RYR2: variants seen among roughly 807,000 people sequenced by gnomAD.
RYR2 encodes the protein ryanodine receptor 2, also known as cardiac muscle ryanodine receptor-calcium release channel.
Under a neutral mutation model 601.1 loss-of-function variants are expected in RYR2, and 227 were observed. The ratio of observed to expected loss-of-function variants is 0.38; its 90% CI spans 0.34 to 0.42. RYR2 has a LOEUF of 0.42. RYR2 is among the 10% of genes least tolerant of loss of function. The pLI is 1.00. For missense variants in RYR2, 4,646 were observed against 6,156.5 expected (o/e 0.75, Z 8.21); for synonymous variants, 2,223 against 2,175.1 (o/e 1.02, Z -0.61).
intron 2 of RYR2, among the ~76,000 whole-genome samples, chr1:237,316,585 C>T (rs908023165): frequency 6.6e-6 from 1 of 152,154 alleles, no homozygotes; most frequent in Non-Finnish European, 1.5e-5. Flanking sequence ...GTGTTCCTTA[C>T]GTCAGCTGAT....
intron 15 of RYR2, among the ~76,000 whole-genome samples, chr1:237,455,102 C>G (rs902061698): frequency 3.3e-5 from 5 of 152,064 alleles, no homozygotes; most frequent in Admixed American, 2.6e-4. Flanking sequence ...TATTACATTT[C>G]CATGTATGAT....
chr1:237,245,116 C>T (rs903507981), intron 1 of RYR2, among the ~76,000 whole-genome samples: 6 of 151,912 alleles, frequency 3.9e-5, no homozygotes, highest in African/African-American at 1.4e-4. Context: ...GCTTGGGAGA[C>T]TGAGGCAGGA....
Position 237,537,409 on chromosome 1 carries a change from C to T in RYR2, c.2906+6899C>T, listed in dbSNP as rs974370655. Among the ~76,000 whole-genome samples the T allele has an allele frequency of 2.4e-3, 372 of 152,258 alleles. 2 individuals are homozygous for T. The highest frequency in any genetic ancestry group is 8.4e-3 in the African/African-American group (348 of 41,556). On this transcript the variant is annotated intron_variant, in intron 25 of 104. Transcript: ENST00000366574. Reference sequence around the variant, plus strand: ...CACAATCTTGGCTCGCTGCAACCTCCGCCTCCCGGGTTCAAGCAATTCTCC... The same window carrying T: ...CACAATCTTGGCTCGCTGCAACCTCTGCCTCCCGGGTTCAAGCAATTCTCC...
chr1:237,147,952 T>C (rs1298652118), intron 1 of RYR2, among the ~76,000 whole-genome samples: 1 of 152,260 alleles, frequency 6.6e-6, no homozygotes, highest in Non-Finnish European at 1.5e-5. Flanking sequence ...CCTTGGCCTT[T>C]TCATGGCACC....
intron 71 of RYR2, among the ~76,000 whole-genome samples, chr1:237,712,786 G>A (rs896909268): frequency 1.2e-4 from 19 of 152,098 alleles, no homozygotes; most frequent in Admixed American, 7.2e-4. Flanking sequence ...ATTGGGGAGG[G>A]GAGTAGCTTC....
intron 1 of RYR2, among the ~76,000 whole-genome samples, chr1:237,210,388 G>GT (rs72317807): frequency 6.6e-5 from 10 of 151,830 alleles, no homozygotes; most frequent in Non-Finnish European, 1.3e-4. Context: ...ACAAAGGTCT[G>GT]TTTTTTTTCT....
chr1:237,388,230 G>C (rs1368901324), intron 10 of RYR2, 47 bp downstream of exon 10: 1 of 1,514,196 alleles, frequency 6.6e-7, no homozygotes, highest in African/African-American at 1.4e-5. Flanking sequence ...CTTTTGCCTT[G>C]ATGTAATGTT....
At position 237,832,195 on chromosome 1, in the gene RYR2, C is replaced by T. The variant is rs866660219; in HGVS notation, c.14809-357C>T. 1.1e-4 allele frequency among the ~76,000 whole-genome samples: 16 copies of T among 150,560 alleles called. 1 individual carries two copies. The highest frequency in any genetic ancestry group is 3.3e-4 in the Admixed American group (5 of 15,106). On this transcript the variant is annotated intron_variant, in intron 104 of 104. Coordinates refer to ENST00000366574, the MANE Select transcript of RYR2 (RefSeq NM_001035.3). ...CTGAAACTACAGGCATGCACCACCA[C>T]ACCTGGCTTTTTTTTGTGTTTTTTT... is the stretch of plus-strand genomic sequence containing the variant.
intron 21 of RYR2, among the ~76,000 whole-genome samples, 164 bp downstream of exon 21, chr1:237,501,067 A>G (rs1264074438): frequency 6.6e-6 from 1 of 151,818 alleles, no homozygotes; most frequent in Admixed American, 6.6e-5. Flanking sequence ...GGTAAGCCTC[A>G]CCTAAGATGG....
intron 2 of RYR2, among the ~76,000 whole-genome samples, chr1:237,307,744 C>G (rs1558592911): frequency 6.6e-6 from 1 of 152,186 alleles, no homozygotes; most frequent in Non-Finnish European, 1.5e-5. Context: ...CAGGCCTAAA[C>G]CCAGTTTATT....
At chr1:237,304,446 AG>A (rs1189323754) in intron 2 of RYR2, among the ~76,000 whole-genome samples, 1 of 152,254 alleles carries the variant, frequency 6.6e-6, no homozygotes, top group Non-Finnish European at 1.5e-5. Flanking sequence ...GCTCTTAAAG[AG>A]GAAAATCTCT....
chr1:237,608,180 A>C (rs1677360557), intron 35 of RYR2, among the ~76,000 whole-genome samples: 1 of 152,214 alleles, frequency 6.6e-6, no homozygotes, highest in African/African-American at 2.4e-5. Context: ...GGTTGTATCA[A>C]CTAAAAAAGA....
intron 37 of RYR2, among the ~76,000 whole-genome samples, chr1:237,617,011 G>A (rs1391083680): frequency 1.3e-5 from 2 of 152,056 alleles, no homozygotes; most frequent in African/African-American, 2.4e-5. Flanking sequence ...CCCTTGACAT[G>A]TGGGGGTTAT....
At chr1:237,213,350 G>T (rs1682798994) in intron 1 of RYR2, among the ~76,000 whole-genome samples, 1 of 151,754 alleles carries the variant, frequency 6.6e-6, no homozygotes, top group Non-Finnish European at 1.5e-5. Flanking sequence ...GCTAATTTTT[G>T]AATTTTTTGT....
intron 1 of RYR2, among the ~76,000 whole-genome samples, chr1:237,228,774 A>T (rs1332205943): frequency 6.6e-6 from 1 of 152,200 alleles, no homozygotes; most frequent in Non-Finnish European, 1.5e-5. Context: ...AAGGGAAAAA[A>T]AAAGAGTAAG....
At position 237,757,639 on chromosome 1, in the gene RYR2, A is replaced by G. The variant is rs1478911605; in HGVS notation, c.11246-58A>G. 2.1e-5 allele frequency: 23 copies of G among 1,083,276 alleles called. No homozygotes were observed. In the East Asian group the frequency reaches 5.4e-4, roughly 26 times the overall value. 67.1% of individuals were successfully genotyped at this position (1,083,276 alleles called of 1,614,324 possible). A position where few individuals can be genotyped will look rare whatever the true frequency, so the allele number is the denominator to read the frequency against. On this transcript the variant is annotated intron_variant, in intron 81 of 104. Transcript: ENST00000366574. ...TTAAAAGTGCAGCATTGGAGGTAGA[A>G]TAGGTTAATATAGAAGGCGAAATGA...
intron 49 of RYR2, 148 bp downstream of exon 49, chr1:237,648,761 G>A (rs1682427510): frequency 4.2e-6 from 4 of 953,948 alleles, no homozygotes; most frequent in Non-Finnish European, 6.0e-6. Flanking sequence ...TGGGTAAACA[G>A]AAAATAAACT....
intron 1 of RYR2, among the ~76,000 whole-genome samples, chr1:237,181,788 ATAGT>A (rs1678790298): frequency 1.3e-5 from 2 of 152,212 alleles, no homozygotes; most frequent in South Asian, 2.1e-4. Flanking sequence ...ACTGGATGAT[ATAGT>A]TAGTTTTGAT....
intron 1 of RYR2, among the ~76,000 whole-genome samples, chr1:237,248,282 GCCCCCCCCCCC>G (rs1171897382): frequency 7.1e-5 from 1 of 14,064 alleles, no homozygotes; most frequent in African/African-American, 2.0e-4. Flanking sequence ...CCGCAACCCC[GCCCCCCCCCCC>G]CCCCCCAAAA....
Sources: gnomAD v4.1 joint callset for allele counts (sites outside exome capture counted in the v4.1 genomes callset) on GRCh38, gnomAD v4.1.1 for gene constraint, MANE v1.5 for transcripts, NCBI Gene and HGNC (gene_info 2026-07-23, HGNC 2026-07-21) for gene names.